Variants in KALRN observed in about 807,000 individuals in gnomAD.
KALRN encodes kalirin.
A neutral mutation model predicts 353.7 loss-of-function variants in KALRN; 70 were observed. The ratio of observed to expected loss-of-function variants is 0.20; its 90% CI spans 0.16 to 0.24. KALRN has a LOEUF of 0.24. Among genes scored for constraint, KALRN ranks in the 10% least tolerant of loss-of-function variants. The pLI is 1.00. For missense variants in KALRN, 2,791 were observed against 3,756.7 expected (o/e 0.74, Z 6.72); for synonymous variants, 1,391 against 1,434.8 (o/e 0.97, Z 0.69).
At chr3:124,701,967 T>C in intron 56 of KALRN, 71 bp from the exon 57 acceptor site, 2 of 1,230,652 alleles carry the variant, frequency 1.6e-6, no homozygotes, top group Non-Finnish European at 2.4e-6. Context: ...CTCTGGAGCT[T>C]TTCTGTTAAT....
At chr3:124,284,020 T>G (rs529147681) in intron 5 of KALRN, among the ~76,000 whole-genome samples, 2 of 152,320 alleles carry the variant, frequency 1.3e-5, no homozygotes, top group East Asian at 3.9e-4. Context: ...TTTATCTTCT[T>G]TGACCCAGAC....
chr3:124,092,481 G>A (rs1559933046), intron 1 of KALRN, among the ~76,000 whole-genome samples: 2 of 152,208 alleles, frequency 1.3e-5, no homozygotes, highest in Non-Finnish European at 2.9e-5. Context: ...AAGATGAAAA[G>A]CCCTTAGTTA....
At chr3:124,618,989 G>A (rs948832345) in intron 34 of KALRN, among the ~76,000 whole-genome samples, 4 of 152,110 alleles carry the variant, frequency 2.6e-5, no homozygotes, top group African/African-American at 9.7e-5. Context: ...TATATCTTAG[G>A]TATATGACAT....
chr3:124,117,464 G>T (rs1457250208), intron 1 of KALRN, among the ~76,000 whole-genome samples: 1 of 152,148 alleles, frequency 6.6e-6, no homozygotes, highest in African/African-American at 2.4e-5. Context: ...AGTGCCTCCT[G>T]CTCAGAACCT....
chr3:124,241,045 G>A (rs1403877758), intron 3 of KALRN, among the ~76,000 whole-genome samples: 1 of 152,050 alleles, frequency 6.6e-6, no homozygotes, highest in Non-Finnish European at 1.5e-5. Flanking sequence ...AGGTTATGAA[G>A]CACAATAATA....
intron 1 of KALRN, among the ~76,000 whole-genome samples, chr3:124,166,416 T>G (rs2070860194): frequency 6.6e-6 from 1 of 152,190 alleles, no homozygotes. Flanking sequence ...TAGATGTTTC[T>G]CCTTCAGAAG....
intron 33 of KALRN, among the ~76,000 whole-genome samples, chr3:124,543,492 G>A (rs2069283900): frequency 6.6e-6 from 1 of 151,832 alleles, no homozygotes; most frequent in African/African-American, 2.4e-5. Flanking sequence ...TAGTAGAGAC[G>A]GGGTTTCACT....
At chr3:124,504,030 C>T (rs1292951512) in intron 33 of KALRN, among the ~76,000 whole-genome samples, 1 of 152,190 alleles carries the variant, frequency 6.6e-6, no homozygotes. Flanking sequence ...TTGCTGAACA[C>T]ACGCAGCTTG....
At chr3:124,283,815 G>A (rs1299395517) in intron 5 of KALRN, among the ~76,000 whole-genome samples, 4 of 47,334 alleles carry the variant, frequency 8.5e-5, no homozygotes, top group Admixed American at 6.0e-4. Context: ...CAGCTCATCT[G>A]TCAAGAACAG....
At chr3:124,147,790 T>A (rs544256281) in intron 1 of KALRN, among the ~76,000 whole-genome samples, 29 of 152,316 alleles carry the variant, frequency 1.9e-4, no homozygotes, top group Non-Finnish European at 3.1e-4. Flanking sequence ...CCAGGTCATA[T>A]CCAGAAATTC....
intron 5 of KALRN, among the ~76,000 whole-genome samples, chr3:124,286,111 CTT>C (rs1257089248): frequency 2.7e-5 from 4 of 146,378 alleles, no homozygotes; most frequent in African/African-American, 1.0e-4. Flanking sequence ...TTCTTTCTTT[CTT>C]TCTTTCTTTC....
At chr3:124,102,206 A>G (rs1338287155) in intron 1 of KALRN, among the ~76,000 whole-genome samples, 1 of 152,170 alleles carries the variant, frequency 6.6e-6, no homozygotes, top group Admixed American at 6.5e-5. Context: ...TTGGCACAAG[A>G]TCACTTTACT....
rs142845644 is a variant in KALRN at position 124,642,747 on chromosome 3, T to C, written c.5664+5444T>C. On this transcript the variant is annotated intron_variant, in intron 37 of 59. Transcript: ENST00000682506. ...CCTCATCATATCCATTGCAGAGGTG[T>C]ATGTTTCCAGGGACTGGGTTCTTCT... Among the ~76,000 whole-genome samples the C allele has an allele frequency of 2.3e-4, 35 of 151,228 alleles. No individual in the cohort carries two copies. The East Asian group carries it at 6.0e-3, about 26-fold the overall frequency.
At chr3:124,302,762 T>C (rs2077367603) in intron 6 of KALRN, among the ~76,000 whole-genome samples, 1 of 152,206 alleles carries the variant, frequency 6.6e-6, no homozygotes, top group South Asian at 2.1e-4. Context: ...GTTTAGTTTC[T>C]CTTGAGGCCT....
In KALRN at chr3:124,072,828, G is replaced by C. The variant is rs542994348; in HGVS notation, c.73+39015G>C. Among the ~76,000 whole-genome samples the C allele has an allele frequency of 3.9e-5, 6 of 152,320 alleles. No individual in the cohort carries two copies. The South Asian group carries it at 1.0e-3, about 26-fold the overall frequency. On this transcript the variant is annotated intron_variant, in intron 1 of 59. Coordinates refer to ENST00000682506, the MANE Select transcript of KALRN (RefSeq NM_001388419.1). ...AGAGAAAGATTGTGTAGAAGTTGCTGGCCAGCCAGGGCACTTCTGAAAGGC... is the reference window on the plus strand; with the variant it reads ...AGAGAAAGATTGTGTAGAAGTTGCTCGCCAGCCAGGGCACTTCTGAAAGGC...
chr3:124,240,985 A>G (rs2080368055), intron 3 of KALRN, among the ~76,000 whole-genome samples: 1 of 152,200 alleles, frequency 6.6e-6, no homozygotes, highest in Non-Finnish European at 1.5e-5. Flanking sequence ...ATGAACATAC[A>G]TAGATAGCAA....
Position 124,723,172 on chromosome 3 carries a change from T to C in KALRN, c.*3702T>C, listed in dbSNP as rs1347605439. ...TTGTGGTCCACAAAGCCTTTATAAA[T>C]AGTAGTGCCTTTCAGAGGGGAGGAT... is the stretch of plus-strand genomic sequence containing the variant. On this transcript the variant is annotated 3_prime_UTR_variant, in exon 60 of 60. Coordinates refer to ENST00000682506, the MANE Select transcript of KALRN (RefSeq NM_001388419.1). 6.6e-6 allele frequency: 1 copy of C among 152,110 alleles called. No homozygotes were observed. Among genetic ancestry groups the C allele is most frequent in the Non-Finnish European group, 1.5e-5 (1 of 68,028 alleles). The allele number at this position is 152,110 out of a possible 1,614,324, so 9.4% of individuals were successfully genotyped here.
At chr3:124,270,837 T>G (rs28729217) in intron 5 of KALRN, among the ~76,000 whole-genome samples, 1 of 148,410 alleles carries the variant, frequency 6.7e-6, no homozygotes, top group African/African-American at 2.5e-5. Flanking sequence ...TTTTTTTTTT[T>G]TTTTTTTTTT....
At position 124,398,698 on chromosome 3, in the gene KALRN, G is replaced by A; in HGVS notation, c.2173G>A (p.Asp725Asn). Residue 725 changes from aspartate to asparagine, a missense_variant and splice_region_variant, in exon 13 of 60, where the codon GAC becomes AAC. Physicochemically the swap from Asp to Asn is conservative, Grantham distance 23. Coordinates refer to ENST00000682506, the MANE Select transcript of KALRN (RefSeq NM_001388419.1). ...TTTTTTCTCCCCACTCTGCCACAGG[G>A]ACTCGGCTGTGTCCAACAACAAAAC... ...PSLGEPSEAR[D>N]SAVSNNKTPH... 1 of 1,613,980 alleles carries A rather than the reference G, an allele frequency of 6.2e-7. No individual in the cohort carries two copies. Among genetic ancestry groups the A allele is most frequent in the Non-Finnish European group, 8.5e-7 (1 of 1,179,986 alleles).
Sources: gnomAD v4.1 joint callset for allele counts (sites outside exome capture counted in the v4.1 genomes callset) on GRCh38, gnomAD v4.1.1 for gene constraint, MANE v1.5 for transcripts, NCBI Gene and HGNC (gene_info 2026-07-23, HGNC 2026-07-21) for gene names.